Variants in PGS1 observed in about 807,000 individuals in gnomAD.
PGS1 encodes the protein phosphatidylglycerophosphate synthase 1.
A neutral mutation model predicts 58.3 loss-of-function variants in PGS1; 44 were observed. That is an observed-to-expected ratio of 0.75 (90% CI 0.59 to 0.97). The LOEUF (loss-of-function observed/expected upper bound fraction) is 0.97. Among genes scored for constraint, PGS1 ranks in the 50% least tolerant of loss-of-function variants. The probability of loss-of-function intolerance (pLI) is 0.00; values close to 1 mark genes in which losing one functional copy is unlikely to be tolerated. For synonymous variants in PGS1, 330 were observed against 311.0 expected, an observed-to-expected ratio of 1.06 and a Z score of -0.64; for missense variants, 684 against 731.1, an observed-to-expected ratio of 0.94 and a Z score of 0.74.
chr17:78,390,965 G>C (rs1242627213), intron 1 of PGS1, among the ~76,000 whole-genome samples: 1 of 152,048 alleles, frequency 6.6e-6, no homozygotes, highest in East Asian at 1.9e-4. Flanking sequence ...CTTTGAGATG[G>C]AGTCTTGCTC....
chr17:78,387,414 C>T (rs1356299348), intron 1 of PGS1, among the ~76,000 whole-genome samples: 1 of 146,730 alleles, frequency 6.8e-6, no homozygotes, highest in African/African-American at 2.6e-5. Context: ...AGTCTCCTTC[C>T]TCAGCCTCCC....
chr17:78,384,411 A>G (rs1047072251), intron 1 of PGS1, among the ~76,000 whole-genome samples: 1 of 152,156 alleles, frequency 6.6e-6, no homozygotes, highest in Non-Finnish European at 1.5e-5. Flanking sequence ...GCTTTTTCTC[A>G]TCAGTTCACT....
Position 78,424,236 on chromosome 17 carries a change from TC to T in PGS1, c.*190del. The T allele has an allele frequency of 4.0e-6, 6 of 1,486,134 alleles. No individual in the cohort carries two copies. Among genetic ancestry groups the T allele is most frequent in the Non-Finnish European group, 5.4e-6 (6 of 1,112,642 alleles). 92.1% of individuals were successfully genotyped at this position (1,486,134 alleles called of 1,614,324 possible). On this transcript the variant is annotated 3_prime_UTR_variant, in exon 10 of 10. Coordinates refer to ENST00000262764, the MANE Select transcript of PGS1 (RefSeq NM_024419.5). ...GGCAGGAAGGGTGGGGTCCTCACACTCCCCGCCCTCTGCAGAGCTGGGCTCT... is the reference window on the plus strand; with the variant it reads ...GGCAGGAAGGGTGGGGTCCTCACACTCCCGCCCTCTGCAGAGCTGGGCTCT...
chr17:78,390,330 GA>G (rs1256981480), intron 1 of PGS1, among the ~76,000 whole-genome samples: 4,743 of 49,960 alleles, frequency 0.095, 182 homozygotes, highest in African/African-American at 0.16. Flanking sequence ...GGGGGTGGGG[GA>G]GGAACAGCTG....
At chr17:78,385,013 GT>G (rs2082281172) in intron 1 of PGS1, among the ~76,000 whole-genome samples, 1 of 152,244 alleles carries the variant, frequency 6.6e-6, no homozygotes, top group Non-Finnish European at 1.5e-5. Flanking sequence ...AAGGCGAGGG[GT>G]GCCAGTGTTT....
chr17:78,393,896 T>C (rs1244597630), intron 2 of PGS1, among the ~76,000 whole-genome samples: 1 of 53,586 alleles, frequency 1.9e-5, no homozygotes, highest in Non-Finnish European at 3.5e-5. Flanking sequence ...AGAATGAAGG[T>C]CTAGGCCAGG....
At chr17:78,405,753 CT>C (rs2084079280) in intron 7 of PGS1, among the ~76,000 whole-genome samples, 1 of 152,188 alleles carries the variant, frequency 6.6e-6, no homozygotes, top group Non-Finnish European at 1.5e-5. Flanking sequence ...CTGGAGGCCC[CT>C]GTGCCATGAG....
At chr17:78,418,262 A>G (rs543421428) in intron 8 of PGS1, among the ~76,000 whole-genome samples, 1 of 151,926 alleles carries the variant, frequency 6.6e-6, no homozygotes, top group Non-Finnish European at 1.5e-5. Context: ...CTGTTTTTAA[A>G]TATGAAATTA....
intron 7 of PGS1, among the ~76,000 whole-genome samples, chr17:78,405,292 G>A (rs780829367): frequency 6.6e-5 from 10 of 152,216 alleles, no homozygotes; most frequent in Non-Finnish European, 7.3e-5. Context: ...CACTGCGCCC[G>A]GCTGGCAATG....
Position 78,413,108 on chromosome 17 carries a change from G to A in PGS1, c.1403-1771G>A, listed in dbSNP as rs574818825. 5.9e-5 allele frequency among the ~76,000 whole-genome samples: 9 copies of A among 152,356 alleles called. No homozygotes were observed. In the South Asian group the frequency reaches 1.7e-3, roughly 28 times the overall value. The stretch of plus-strand genomic sequence containing the variant: ...CGGCCTGCACGGCCAGTGGCCCAGC[G>A]GAGCGGTACTGTTTATGGCACAATG... On this transcript the variant is annotated intron_variant, in intron 7 of 9. Coordinates refer to ENST00000262764, the MANE Select transcript of PGS1 (RefSeq NM_024419.5).
intron 1 of PGS1, among the ~76,000 whole-genome samples, chr17:78,388,370 G>A (rs562219782): frequency 1.3e-5 from 2 of 152,250 alleles, no homozygotes; most frequent in South Asian, 4.1e-4. Context: ...AGGCCCTCTT[G>A]GGTTTTTCTG....
chr17:78,409,610 GC>G (rs778173500), intron 7 of PGS1, among the ~76,000 whole-genome samples: 7 of 152,338 alleles, frequency 4.6e-5, no homozygotes, highest in Non-Finnish European at 8.8e-5. Flanking sequence ...CAGCCTGTGG[GC>G]CCTTACAGTT....
At chr17:78,395,601 C>G (rs1283728355) in intron 2 of PGS1, among the ~76,000 whole-genome samples, 1 of 152,122 alleles carries the variant, frequency 6.6e-6, no homozygotes. Flanking sequence ...GGGAGAGGCC[C>G]CCTGGCTGTT....
At chr17:78,395,479 G>A (rs1200020366) in intron 2 of PGS1, among the ~76,000 whole-genome samples, 2 of 152,120 alleles carry the variant, frequency 1.3e-5, no homozygotes, top group Non-Finnish European at 2.9e-5. Context: ...GCAGGTAGAT[G>A]TGAAGCTGCC....
chr17:78,420,308 C>A, intron 9 of PGS1: 4 of 785,794 alleles, frequency 5.1e-6, no homozygotes, highest in African/African-American at 1.9e-5. Context: ...CCAGTGGGGT[C>A]CCACAGTCAC....
intron 6 of PGS1, among the ~76,000 whole-genome samples, chr17:78,402,368 G>A (rs2083743675): frequency 6.6e-6 from 1 of 151,432 alleles, no homozygotes; most frequent in Non-Finnish European, 1.5e-5. Flanking sequence ...CTCCATTTTT[G>A]TATCATTTTC....
chr17:78,385,520 ACGT>A (rs1273276784), intron 1 of PGS1, among the ~76,000 whole-genome samples: 1 of 152,162 alleles, frequency 6.6e-6, no homozygotes, highest in African/African-American at 2.4e-5. Flanking sequence ...CGATCTCCTG[ACGT>A]CGTGATCCGC....
At chr17:78,405,564 G>A (rs1489339466) in intron 7 of PGS1, among the ~76,000 whole-genome samples, 1 of 152,152 alleles carries the variant, frequency 6.6e-6, no homozygotes, top group African/African-American at 2.4e-5. Flanking sequence ...GAATCCCAGG[G>A]GCAGCTCTCT....
intron 9 of PGS1, chr17:78,422,052 A>ATATG (rs2146365034): frequency 6.6e-6 from 1 of 152,360 alleles, no homozygotes; most frequent in South Asian, 2.1e-4. Context: ...ACTACCCACA[A>ATATG]TATGTATGTG....
Sources: allele counts gnomAD v4.1 joint callset (sites outside exome capture counted in the v4.1 genomes callset), GRCh38; gene constraint gnomAD v4.1.1; transcripts MANE v1.5; gene names NCBI Gene and HGNC (gene_info 2026-07-23, HGNC 2026-07-21).